ZNF385D: variants seen among roughly 807,000 people sequenced by gnomAD.
The protein encoded by ZNF385D is zinc finger protein 659.
In ZNF385D, 15 loss-of-function variants were observed where a neutral mutation model predicts 35.8. The observed-to-expected ratio is 0.42, with a 90% confidence interval of 0.28 to 0.64. ZNF385D has a LOEUF of 0.64. ZNF385D is among the 30% of genes least tolerant of loss of function. The pLI is 0.23. For missense variants in ZNF385D, 474 were observed against 494.6 expected (o/e 0.96, Z 0.39); for synonymous variants, 212 against 186.8 (o/e 1.13, Z -1.10).
intron 2 of ZNF385D, among the ~76,000 whole-genome samples, chr3:22,331,779 T>C (rs1411982904): frequency 6.6e-6 from 1 of 152,146 alleles, no homozygotes; most frequent in Non-Finnish European, 1.5e-5. Context: ...TTTTCAAACT[T>C]TTACTAAAAA....
intron 3 of ZNF385D, among the ~76,000 whole-genome samples, chr3:21,880,013 A>T (rs1259330392): frequency 6.6e-6 from 1 of 151,930 alleles, no homozygotes; most frequent in East Asian, 1.9e-4. Context: ...AAAGCTAATA[A>T]ATGCAATTAT....
chr3:21,917,902 G>A (rs1366341470), intron 3 of ZNF385D, among the ~76,000 whole-genome samples: 1 of 152,130 alleles, frequency 6.6e-6, no homozygotes, highest in Non-Finnish European at 1.5e-5. Flanking sequence ...TATACTGCAT[G>A]CAAACTAGGA....
At chr3:22,045,343 T>C (rs1257167985) in intron 3 of ZNF385D, among the ~76,000 whole-genome samples, 1 of 152,190 alleles carries the variant, frequency 6.6e-6, no homozygotes, top group Non-Finnish European at 1.5e-5. Flanking sequence ...AATAAAAGCA[T>C]GGAAATATTC....
chr3:21,825,945 G>A (rs1263327134), intron 3 of ZNF385D, among the ~76,000 whole-genome samples: 1 of 152,174 alleles, frequency 6.6e-6, no homozygotes, highest in Non-Finnish European at 1.5e-5. Context: ...AAACCCTGTT[G>A]TGAACTGTGC....
intron 1 of ZNF385D, among the ~76,000 whole-genome samples, chr3:21,691,580 C>A (rs2125346142): frequency 6.6e-6 from 1 of 152,174 alleles, no homozygotes; most frequent in Middle Eastern, 3.4e-3. Context: ...CAAGCCACCC[C>A]CTTCTTTTTT....
In ZNF385D at chr3:21,767,841, T is replaced by A. The variant is rs147140317; in HGVS notation, c.326-102813A>T. ...GCTTTAGTAATTAAAGAAGTTAAAT[T>A]TCTTTATAATAATAAAGCACAAGAA... is the stretch of plus-strand genomic sequence containing the variant. On this transcript the variant is annotated intron_variant, in intron 3 of 5. Coordinates refer to the ZNF385D transcript ENST00000494108. Among the ~76,000 whole-genome samples the A allele has an allele frequency of 2.5e-3, 380 of 152,246 alleles. 2 individuals are homozygous for A. In the South Asian group the frequency reaches 0.028, roughly 11 times the overall value.
intron 4 of ZNF385D, among the ~76,000 whole-genome samples, chr3:21,451,902 T>G (rs1702482021): frequency 6.6e-6 from 1 of 152,096 alleles, no homozygotes; most frequent in Admixed American, 6.6e-5. Context: ...GGTTTATTTT[T>G]GCCAACTGGT....
At chr3:21,932,191 A>AAAAAAAC in intron 3 of ZNF385D, among the ~76,000 whole-genome samples, 2 of 148,402 alleles carry the variant, frequency 1.3e-5, no homozygotes, top group South Asian at 4.3e-4. Flanking sequence ...AAAAAAAAAA[A>AAAAAAAC]AAAGTGTGAC....
chr3:21,977,354 G>A (rs1054419862), intron 3 of ZNF385D, among the ~76,000 whole-genome samples: 1 of 152,126 alleles, frequency 6.6e-6, no homozygotes, highest in Non-Finnish European at 1.5e-5. Flanking sequence ...TTTAATTAAA[G>A]CTTGAGTATG....
At chr3:22,241,033 CAATT>C (rs1281821966) in intron 2 of ZNF385D, among the ~76,000 whole-genome samples, 1 of 151,192 alleles carries the variant, frequency 6.6e-6, no homozygotes, top group Non-Finnish European at 1.5e-5. Context: ...AATGTTCATT[CAATT>C]GAGTAAATTT....
chr3:22,302,794 G>A (rs1010276476), intron 2 of ZNF385D, among the ~76,000 whole-genome samples: 1 of 151,810 alleles, frequency 6.6e-6, no homozygotes, highest in Non-Finnish European at 1.5e-5. Context: ...GGCCTCACAT[G>A]TCTTTCATTA....
chr3:22,092,459 G>A (rs1337923344), intron 3 of ZNF385D, among the ~76,000 whole-genome samples: 1 of 152,238 alleles, frequency 6.6e-6, no homozygotes, highest in South Asian at 2.1e-4. Flanking sequence ...AGTGCTGCTT[G>A]TATGACACCT....
chr3:22,287,801 G>T (rs1332770323), intron 2 of ZNF385D, among the ~76,000 whole-genome samples: 1 of 151,932 alleles, frequency 6.6e-6, no homozygotes, highest in Non-Finnish European at 1.5e-5. Flanking sequence ...TGCCATTATA[G>T]TATTAGAATG....
intron 3 of ZNF385D, among the ~76,000 whole-genome samples, chr3:22,147,816 C>T (rs548034023): frequency 2.0e-4 from 31 of 152,160 alleles, no homozygotes; most frequent in African/African-American, 7.2e-4. Context: ...CCACAGATTC[C>T]AGTGATAAAG....
At chr3:21,911,433 A>C (rs1699956969) in intron 3 of ZNF385D, among the ~76,000 whole-genome samples, 1 of 151,918 alleles carries the variant, frequency 6.6e-6, no homozygotes, top group South Asian at 2.1e-4. Flanking sequence ...AAATGAGCTC[A>C]TATTCTTGCT....
intron 3 of ZNF385D, among the ~76,000 whole-genome samples, chr3:21,922,830 TAATC>T (rs1700537831): frequency 1.3e-5 from 2 of 152,018 alleles, no homozygotes; most frequent in South Asian, 4.1e-4. Context: ...GCAAAAGAAA[TAATC>T]AATAAATAGA....
At chr3:21,996,274 A>G (rs867708380) in intron 3 of ZNF385D, among the ~76,000 whole-genome samples, 2 of 152,254 alleles carry the variant, frequency 1.3e-5, no homozygotes, top group Middle Eastern at 6.8e-3. Context: ...GCAGGAGTCA[A>G]TGGTGGGAAT....
At chr3:21,600,984 C>G (rs2064270749) in intron 2 of ZNF385D, among the ~76,000 whole-genome samples, 2 of 151,974 alleles carry the variant, frequency 1.3e-5, no homozygotes, top group South Asian at 2.1e-4. Flanking sequence ...AAAATCCTGA[C>G]AAAATTTGCA....
intron 2 of ZNF385D, among the ~76,000 whole-genome samples, chr3:22,309,275 G>A (rs1370465229): frequency 4.7e-5 from 5 of 105,816 alleles, no homozygotes; most frequent in Middle Eastern, 7.9e-3. Context: ...CTTTAAATGA[G>A]TTTTTACTTG....
Sources: gnomAD v4.1 joint callset for allele counts (sites outside exome capture counted in the v4.1 genomes callset) on GRCh38, gnomAD v4.1.1 for gene constraint, MANE v1.5 for transcripts, NCBI Gene and HGNC (gene_info 2026-07-23, HGNC 2026-07-21) for gene names.